FRMD4A: variants seen among roughly 807,000 people sequenced by gnomAD.
The protein encoded by FRMD4A is FERM domain-containing protein 4A.
In FRMD4A, 29 loss-of-function variants were observed where a neutral mutation model predicts 129.1. That is an observed-to-expected ratio of 0.22 (90% CI 0.17 to 0.31). The LOEUF is 0.31. Among genes scored for constraint, FRMD4A ranks in the 10% least tolerant of loss-of-function variants. The pLI, the probability that FRMD4A is intolerant of heterozygous loss-of-function variation, is 1.00. For synonymous variants in FRMD4A, 634 were observed against 571.6 expected, an observed-to-expected ratio of 1.11 and a Z score of -1.56; for missense variants, 1,272 against 1,375.8, an observed-to-expected ratio of 0.92 and a Z score of 1.19.
chr10:14,286,734 C>T (rs1311892542), intron 2 of FRMD4A, among the ~76,000 whole-genome samples: 1 of 152,074 alleles, frequency 6.6e-6, no homozygotes, highest in Admixed American at 6.6e-5. Flanking sequence ...GTATGAAAAC[C>T]CTGCATGTGC....
chr10:13,662,482 A>G (rs973099485), intron 19 of FRMD4A, among the ~76,000 whole-genome samples: 1 of 152,188 alleles, frequency 6.6e-6, no homozygotes, highest in Non-Finnish European at 1.5e-5. Flanking sequence ...ATATATTTCC[A>G]TATAATTAAT....
chr10:14,165,706 A>T (rs188802506), intron 2 of FRMD4A, among the ~76,000 whole-genome samples: 22 of 152,354 alleles, frequency 1.4e-4, no homozygotes, highest in Non-Finnish European at 2.8e-4. Context: ...CTTTGCAGCA[A>T]CATGGATGGA....
chr10:14,054,755 G>A (rs1310648897), intron 2 of FRMD4A, among the ~76,000 whole-genome samples: 1 of 152,152 alleles, frequency 6.6e-6, no homozygotes, highest in African/African-American at 2.4e-5. Context: ...ACATGTTGTG[G>A]GAGGGACCTC....
chr10:14,302,710 C>T (rs1490212697), intron 2 of FRMD4A, among the ~76,000 whole-genome samples: 1 of 152,200 alleles, frequency 6.6e-6, no homozygotes, highest in East Asian at 1.9e-4. Context: ...TCCAAACATA[C>T]AGCACAACAG....
At chr10:14,151,268 C>T (rs1450399279) in intron 2 of FRMD4A, among the ~76,000 whole-genome samples, 1 of 152,172 alleles carries the variant, frequency 6.6e-6, no homozygotes, top group East Asian at 1.9e-4. Context: ...CCTAAGGGTC[C>T]ACCAATGGCT....
At chr10:13,790,566 G>A (rs1373266497) in intron 5 of FRMD4A, among the ~76,000 whole-genome samples, 2 of 152,214 alleles carry the variant, frequency 1.3e-5, no homozygotes, top group Non-Finnish European at 2.9e-5. Context: ...AGGTGGCCCA[G>A]GAGAGTGTAG....
chr10:14,207,514 G>A (rs942324883), intron 2 of FRMD4A, among the ~76,000 whole-genome samples: 9 of 152,264 alleles, frequency 5.9e-5, no homozygotes, highest in Admixed American at 5.9e-4. Flanking sequence ...TGTATAAAAT[G>A]TGACTTTAAC....
At chr10:13,926,544 T>C (rs1239052480) in intron 2 of FRMD4A, among the ~76,000 whole-genome samples, 3 of 152,214 alleles carry the variant, frequency 2.0e-5, no homozygotes, top group Non-Finnish European at 2.9e-5. Flanking sequence ...AGAGATTTAC[T>C]TGCAGGCTTT....
intron 22 of FRMD4A, among the ~76,000 whole-genome samples, chr10:13,656,329 A>G (rs2082139045): frequency 6.6e-6 from 1 of 151,958 alleles, no homozygotes; most frequent in Non-Finnish European, 1.5e-5. Flanking sequence ...CATTACTTTT[A>G]CTTTACCTAA....
intron 2 of FRMD4A, among the ~76,000 whole-genome samples, chr10:14,217,900 A>G (rs1283424884): frequency 1.3e-5 from 2 of 151,266 alleles, no homozygotes; most frequent in Non-Finnish European, 2.9e-5. Context: ...GCACTATCTC[A>G]GCTCACTGCC....
intron 23 of FRMD4A, chr10:13,653,076 GGAT>G (rs1280508291): frequency 1.3e-5 from 2 of 151,906 alleles, no homozygotes; most frequent in African/African-American, 4.8e-5. Flanking sequence ...CCCCGCAAGG[GGAT>G]GATGAGGATT....
chr10:14,328,844 G>C (rs1029986769), intron 2 of FRMD4A, among the ~76,000 whole-genome samples: 1 of 152,086 alleles, frequency 6.6e-6, no homozygotes, highest in Non-Finnish European at 1.5e-5. Flanking sequence ...ATCATCAGAC[G>C]ATAGAATTAG....
intron 2 of FRMD4A, among the ~76,000 whole-genome samples, chr10:14,004,039 C>A (rs1486375565): frequency 6.6e-6 from 1 of 152,168 alleles, no homozygotes; most frequent in African/African-American, 2.4e-5. Flanking sequence ...AGGATGTGGG[C>A]TTGAGTAAGT....
At chr10:13,977,166 C>T (rs537703309) in intron 2 of FRMD4A, among the ~76,000 whole-genome samples, 2 of 152,280 alleles carry the variant, frequency 1.3e-5, no homozygotes, top group African/African-American at 2.4e-5. Flanking sequence ...GCCCATCGGT[C>T]GTATTTTCTG....
intron 2 of FRMD4A, among the ~76,000 whole-genome samples, chr10:14,071,408 C>T (rs1221618767): frequency 1.3e-5 from 2 of 152,062 alleles, no homozygotes; most frequent in Admixed American, 6.6e-5. Context: ...AAAGATAAAC[C>T]GTATGCCCAT....
At chr10:14,111,554 AC>A (rs1837903053) in intron 2 of FRMD4A, among the ~76,000 whole-genome samples, 1 of 152,192 alleles carries the variant, frequency 6.6e-6, no homozygotes, top group African/African-American at 2.4e-5. Context: ...AGATCAAAGT[AC>A]AGAAGTCATT....
chr10:14,091,118 A>C (rs1291549423), intron 2 of FRMD4A, among the ~76,000 whole-genome samples: 1 of 152,206 alleles, frequency 6.6e-6, no homozygotes, highest in Non-Finnish European at 1.5e-5. Context: ...GAGATGGAAG[A>C]ATGTTCAGAT....
At position 14,011,642 on chromosome 10, in the gene FRMD4A, G is replaced by C. The variant is rs139666404; in HGVS notation, c.46-152730C>G. On this transcript the variant is annotated intron_variant, in intron 2 of 24. Transcript: ENST00000357447. ...CATAGATCTGAGTATATGTGGCTCT[G>C]GGCCAGCCCTGAGGGACCGAGACAT... Among the ~76,000 whole-genome samples, 501 of 152,312 alleles carry C rather than the reference G, an allele frequency of 3.3e-3. 5 individuals are homozygous for C. Among genetic ancestry groups the C allele is most frequent in the African/African-American group, 0.012 (479 of 41,570 alleles).
chr10:14,048,423 A>C (rs1161047436), intron 2 of FRMD4A, among the ~76,000 whole-genome samples: 1 of 152,248 alleles, frequency 6.6e-6, no homozygotes, highest in Admixed American at 6.5e-5. Context: ...ATTATGCCAG[A>C]ATTTCACAGT....
Sources: allele counts gnomAD v4.1 joint callset (sites outside exome capture counted in the v4.1 genomes callset), GRCh38; gene constraint gnomAD v4.1.1; transcripts MANE v1.5; gene names NCBI Gene and HGNC (gene_info 2026-07-23, HGNC 2026-07-21).